LYRM4: variants seen among roughly 807,000 people sequenced by gnomAD.
LYRM4 encodes the protein LYR motif-containing protein 4.
Under a neutral mutation model 11.7 loss-of-function variants are expected in LYRM4, and 9 were observed. The observed-to-expected ratio is 0.77, with a 90% CI of 0.46 to 1.34. The LOEUF (loss-of-function observed/expected upper bound fraction) is 1.34, where lower values mean the gene tolerates loss of function less well. LYRM4 is among the 40% of genes most tolerant of loss of function. The probability of loss-of-function intolerance (pLI) is 0.00; values close to 1 mark genes in which losing one functional copy is unlikely to be tolerated. For missense variants in LYRM4, 133 were observed against 112.5 expected, an observed-to-expected ratio of 1.18 and a Z score of -0.82; for synonymous variants, 42 against 40.4, an observed-to-expected ratio of 1.04 and a Z score of -0.15.
intron 1 of LYRM4, among the ~76,000 whole-genome samples, chr6:5,234,856 A>G (rs1763447259): frequency 6.6e-6 from 1 of 152,210 alleles, no homozygotes. Context: ...TTGTAGTTTC[A>G]GAATTATAGC....
intron 2 of LYRM4, among the ~76,000 whole-genome samples, chr6:5,153,707 G>A (rs1339223177): frequency 6.6e-6 from 1 of 152,202 alleles, no homozygotes; most frequent in African/African-American, 2.4e-5. Flanking sequence ...ATCCTGATGT[G>A]TAGTCAGAAC....
chr6:5,117,863 A>G (rs578188563), intron 2 of LYRM4, among the ~76,000 whole-genome samples: 1 of 152,036 alleles, frequency 6.6e-6, no homozygotes, highest in African/African-American at 2.4e-5. Context: ...TCAGCAACAT[A>G]GCAAGACCCA....
chr6:5,045,844 G>A, the LYRM4 span, among the ~76,000 whole-genome samples: 3 of 152,224 alleles, frequency 2.0e-5, no homozygotes, highest in South Asian at 2.1e-4. Context: ...CCTCCAAAGC[G>A]AGCTTTATGA....
chr6:5,119,368 C>A lies in LYRM4; in HGVS notation c.208-9877G>T, dbSNP rs139402881. ...GTCCACATCCACTGTCCCTGGGTGA[C>A]TATAGATAGAGCGCTTGTTCATTCT... On this transcript the variant is annotated intron_variant, in intron 2 of 2. Coordinates refer to ENST00000330636, the MANE Select transcript of LYRM4 (RefSeq NM_020408.6). 4.5e-3 allele frequency among the ~76,000 whole-genome samples: 684 copies of A among 152,292 alleles called. 5 individuals are homozygous for A. The highest frequency in any genetic ancestry group is 0.015 in the African/African-American group (625 of 41,568).
chr6:5,120,647 A>AGTGCTGATTGGTCCATTTTACAGG (rs1236542285), intron 2 of LYRM4, among the ~76,000 whole-genome samples: 2 of 151,898 alleles, frequency 1.3e-5, no homozygotes, highest in African/African-American at 4.8e-5. Flanking sequence ...CAGTTTACAG[A>AGTGCTGATTGGTCCATTTTACAGG]GTGCTGATTG....
At chr6:5,045,532 C>T in the LYRM4 span, among the ~76,000 whole-genome samples, 8 of 152,098 alleles carry the variant, frequency 5.3e-5, no homozygotes, top group East Asian at 3.8e-4. Flanking sequence ...GTTCTGGAAA[C>T]GGTTAATGGT....
At chr6:5,037,544 C>CAG in the LYRM4 span, among the ~76,000 whole-genome samples, 1 of 74,020 alleles carries the variant, frequency 1.4e-5, no homozygotes, top group Non-Finnish European at 3.3e-5. Context: ...CAGACGGGGT[C>CAG]CTGGCCGGGC....
chr6:5,164,577 G>C (rs573709333), intron 2 of LYRM4, among the ~76,000 whole-genome samples: 1 of 152,316 alleles, frequency 6.6e-6, no homozygotes, highest in South Asian at 2.1e-4. Context: ...TGGTGGTGGA[G>C]TATAGTGACT....
chr6:5,152,792 G>C (rs964387331), intron 2 of LYRM4, among the ~76,000 whole-genome samples: 1 of 152,226 alleles, frequency 6.6e-6, no homozygotes, highest in Non-Finnish European at 1.5e-5. Flanking sequence ...TGGCTGGTAG[G>C]AATTCCAGGC....
chr6:5,227,737 A>G (rs1489591223), intron 1 of LYRM4, among the ~76,000 whole-genome samples: 1 of 152,220 alleles, frequency 6.6e-6, no homozygotes, highest in East Asian at 1.9e-4. Flanking sequence ...ACCAACCCAA[A>G]TGCTCATCAG....
chr6:5,188,722 A>G (rs1760569254), intron 2 of LYRM4, among the ~76,000 whole-genome samples: 1 of 152,074 alleles, frequency 6.6e-6, no homozygotes, highest in African/African-American at 2.4e-5. Context: ...TTTTGTGTAG[A>G]GCTTGGTACA....
intron 2 of LYRM4, among the ~76,000 whole-genome samples, chr6:5,117,172 GGAT>G (rs1763156828): frequency 6.6e-6 from 1 of 152,214 alleles, no homozygotes. Context: ...GCTACTGGGA[GGAT>G]TAAACAAGCA....
Position 5,260,655 on chromosome 6 carries a change from T to C in LYRM4, c.79A>G (p.Asn27Asp). 1 of 1,508,586 alleles carries C rather than the reference T, an allele frequency of 6.6e-7. No homozygotes were observed. Among genetic ancestry groups the C allele is most frequent in the African/African-American group, 1.4e-5 (1 of 71,808 alleles). The allele number at this position is 1,508,586 out of a possible 1,614,324, so 93.5% of individuals were successfully genotyped here. A position where few individuals can be genotyped will look rare whatever the true frequency, so the allele number is the denominator to read the frequency against. The change falls in exon 1 of 3, where the codon AAT (asparagine) becomes GAT (aspartate). Residue 27 changes from asparagine to aspartate, a missense_variant. By Grantham distance (23) the Asn-to-Asp change is conservative. Transcript: ENST00000330636. Reference sequence around the variant, plus strand: ...CGGTGCCCGCTGGGTCACCTGTAATTGTAGGCGCTGAAACGCTTGCTCTCT... The same window carrying C: ...CGGTGCCCGCTGGGTCACCTGTAATCGTAGGCGCTGAAACGCTTGCTCTCT... ...LRESKRFSAY[N>D]YRTYAVRRIR...
intron 1 of LYRM4, among the ~76,000 whole-genome samples, chr6:5,247,923 G>GA (rs1311586881): frequency 2.0e-5 from 3 of 152,030 alleles, no homozygotes; most frequent in African/African-American, 2.4e-5. Context: ...CATTAATATA[G>GA]AAAATATACA....
the LYRM4 span, among the ~76,000 whole-genome samples, chr6:5,036,316 A>G: frequency 6.6e-6 from 1 of 152,208 alleles, no homozygotes; most frequent in African/African-American, 2.4e-5. Context: ...TGTGTTAATT[A>G]GGCTCTTCCA....
the LYRM4 span, among the ~76,000 whole-genome samples, chr6:5,044,695 A>G: frequency 6.6e-6 from 1 of 152,190 alleles, no homozygotes; most frequent in Non-Finnish European, 1.5e-5. Flanking sequence ...TTAGCCATTC[A>G]TGGTGCTAAA....
At chr6:5,178,804 CAAAAAAAAAAAAAAAA>C (rs56880549) in intron 2 of LYRM4, among the ~76,000 whole-genome samples, 4 of 30,026 alleles carry the variant, frequency 1.3e-4, no homozygotes, top group Admixed American at 6.8e-4. Context: ...GACTCTGTCT[CAAAAAAAAAAAAAAAA>C]AAAAAAAAAA....
At chr6:5,225,748 G>C (rs1762852231) in intron 1 of LYRM4, among the ~76,000 whole-genome samples, 1 of 152,170 alleles carries the variant, frequency 6.6e-6, no homozygotes, top group African/African-American at 2.4e-5. Context: ...TTCAAAGATA[G>C]ATAAATATTT....
Position 5,108,733 on chromosome 6 carries a change from G to T in LYRM4, c.*690C>A. 1 of 955,778 alleles carries T rather than the reference G, an allele frequency of 1.0e-6. No homozygotes were observed. The highest frequency in any genetic ancestry group is 1.2e-6 in the Non-Finnish European group (1 of 802,404). 59.2% of individuals were successfully genotyped at this position (955,778 alleles called of 1,614,324 possible). A position where few individuals can be genotyped will look rare whatever the true frequency, so the allele number is the denominator to read the frequency against. ...AGGCTGGGGCTCTCTCATTCACCAGGTGTGGGGAGGGGCTTGAGCCTGCAT... is the reference window on the plus strand; with the variant it reads ...AGGCTGGGGCTCTCTCATTCACCAGTTGTGGGGAGGGGCTTGAGCCTGCAT... On this transcript the variant is annotated 3_prime_UTR_variant, in exon 3 of 3. Coordinates refer to ENST00000330636, the MANE Select transcript of LYRM4 (RefSeq NM_020408.6).
Sources: gnomAD v4.1 joint callset for allele counts (sites outside exome capture counted in the v4.1 genomes callset) on GRCh38, gnomAD v4.1.1 for gene constraint, MANE v1.5 for transcripts, NCBI Gene and HGNC (gene_info 2026-07-23, HGNC 2026-07-21) for gene names.